The following TPRA1 variants were observed in gnomAD, a reference collection of about 807,000 sequenced individuals.
TPRA1 encodes transmembrane protein adipocyte-associated 1.
Under a neutral mutation model 40.1 loss-of-function variants are expected in TPRA1, and 28 were observed. The observed-to-expected ratio is 0.70, with a 90% CI of 0.52 to 0.96. TPRA1 has a LOEUF of 0.96. Ranked by LOEUF, TPRA1 falls within the 40% of genes least tolerant of loss-of-function variation. TPRA1 has a pLI of 0.00. For synonymous variants in TPRA1, 219 were observed against 209.7 expected (o/e 1.04, Z -0.38); for missense variants, 441 against 482.6 (o/e 0.91, Z 0.81).
At chr3:127,574,946 A>C (rs2073534561) in intron 10 of TPRA1, 1 of 572,996 alleles carries the variant, frequency 1.7e-6, no homozygotes, top group Non-Finnish European at 3.1e-6. Flanking sequence ...GCATGTGTGC[A>C]TGCTTGTGCA....
Position 127,575,200 on chromosome 3 carries a change from A to C in TPRA1, c.839T>G (p.Leu280Arg). The change falls in exon 10 of 11, where the codon CTC (leucine) becomes CGC (arginine). Residue 280 changes from leucine to arginine, a missense_variant. Physicochemically the swap from Leu to Arg is moderately radical, Grantham distance 102. Coordinates refer to ENST00000355552, the MANE Select transcript of TPRA1 (RefSeq NM_001136053.4). ...FFAPLIYVAFLRGFFGSEPKI... is the reference protein window; with the variant it reads ...FFAPLIYVAFRRGFFGSEPKI... ...ACAGACTCACCCGAAGAAGCCCCGG[A>C]GGAAAGCCACGTAGATGAGCGGAGC... 1 of 1,613,974 alleles carries C rather than the reference A, an allele frequency of 6.2e-7. No individual in the cohort carries two copies. Among genetic ancestry groups the C allele is most frequent in the Non-Finnish European group, 8.5e-7 (1 of 1,179,988 alleles).
Position 127,573,309 on chromosome 3 carries a change from G to A in TPRA1, c.*212C>T, listed in dbSNP as rs904958819. ...ATGTCACTGAGCAGTATGAGAGCAG[G>A]TGGGAAGGGGAGGAGGGTCCCCAGT... On this transcript the variant is annotated 3_prime_UTR_variant, in exon 11 of 11. Transcript: ENST00000355552. 2 of 590,244 alleles carry A rather than the reference G, an allele frequency of 3.4e-6. No homozygotes were observed. Among genetic ancestry groups the A allele is most frequent in the Non-Finnish European group, 5.8e-6 (2 of 345,102 alleles). The allele number at this position is 590,244 out of a possible 1,614,324, so 36.6% of individuals were successfully genotyped here. A position where few individuals can be genotyped will look rare whatever the true frequency, so the allele number is the denominator to read the frequency against.
chr3:127,593,362 A>G (rs2074209320), upstream of TPRA1, among the ~76,000 whole-genome samples: 1 of 152,200 alleles, frequency 6.6e-6, no homozygotes, highest in Non-Finnish European at 1.5e-5. Context: ...CAATCCCCAG[A>G]TAACAGACGC....
At chr3:127,593,399 G>T (rs1182575482), upstream of TPRA1, among the ~76,000 whole-genome samples, 1 of 152,184 alleles carries the variant, frequency 6.6e-6, no homozygotes, top group Non-Finnish European at 1.5e-5. Flanking sequence ...GGCGTGAGAA[G>T]CAAAGTGGGT....
At chr3:127,573,919 GCC>G in intron 10 of TPRA1, 131 bp from the exon 11 acceptor site, 11 of 1,234,566 alleles carry the variant, frequency 8.9e-6, no homozygotes, top group Non-Finnish European at 1.1e-5. Flanking sequence ...CTCTGAGTGG[GCC>G]TGTGAGCTGG....
At chr3:127,577,191 G>T in intron 3 of TPRA1, 115 bp from the exon 4 acceptor site, 1 of 1,080,746 alleles carries the variant, frequency 9.3e-7, no homozygotes, top group Non-Finnish European at 1.4e-6. Flanking sequence ...TCGGAAAGGA[G>T]GAAGGCGCAA....
At position 127,575,376 on chromosome 3, in the gene TPRA1, G is replaced by A. The variant is rs1300046554; in HGVS notation, c.773+27C>T. The A allele has an allele frequency of 2.5e-6, 4 of 1,572,780 alleles. No individual in the cohort carries two copies. In the East Asian group the frequency reaches 7.0e-5, roughly 28 times the overall value. On this transcript the variant is annotated intron_variant, in intron 9 of 10. Coordinates refer to ENST00000355552, the MANE Select transcript of TPRA1 (RefSeq NM_001136053.4). ...CCGCCCACTTCCCATGCCCCCACGA[G>A]GCAGACACCCTGCGGCCCCCACGCA...
At position 127,572,240 on chromosome 3, in the gene TPRA1, A is replaced by G. The variant is rs532305179; in HGVS notation, c.*1281T>C. On this transcript the variant is annotated 3_prime_UTR_variant, in exon 11 of 11. Coordinates refer to ENST00000355552, the MANE Select transcript of TPRA1 (RefSeq NM_001136053.4). ...CACCCCATTCCCCCCTAAAAAAAAA[A>G]GGCTGATCGCGGAGGCGGGCAACAG... 6.6e-6 allele frequency among the ~76,000 whole-genome samples: 1 copy of G among 152,236 alleles called. No homozygotes were observed. The highest frequency in any genetic ancestry group is 2.1e-4 in the South Asian group (1 of 4,828).
intron 8 of TPRA1, 65 bp from the exon 9 acceptor site, chr3:127,575,570 C>A (rs886857790): frequency 9.5e-6 from 14 of 1,471,288 alleles, no homozygotes; most frequent in Middle Eastern, 2.1e-4. Context: ...GCCTCCAGCA[C>A]CTACTACCCT....
At chr3:127,584,343 G>A (rs59049338) in intron 1 of TPRA1, among the ~76,000 whole-genome samples, 2 of 148,988 alleles carry the variant, frequency 1.3e-5, no homozygotes, top group Admixed American at 6.7e-5. Flanking sequence ...CGGTGGGGCC[G>A]AGGTGGAAGG....
intron 1 of TPRA1, among the ~76,000 whole-genome samples, chr3:127,597,635 C>G (rs2074258389): frequency 6.6e-6 from 1 of 152,192 alleles, no homozygotes; most frequent in Non-Finnish European, 1.5e-5. Flanking sequence ...CTCCCTGCGT[C>G]TTCGCTCCCC....
intron 1 of TPRA1, among the ~76,000 whole-genome samples, chr3:127,589,380 C>G (rs116589155): frequency 6.7e-6 from 1 of 149,904 alleles, no homozygotes; most frequent in Non-Finnish European, 1.5e-5. Flanking sequence ...CTTCCCACAC[C>G]GACGGGTTGT....
intron 10 of TPRA1, 173 bp downstream of exon 10, chr3:127,575,010 CTG>C (rs1449334403): frequency 1.5e-6 from 1 of 684,906 alleles, no homozygotes; most frequent in Non-Finnish European, 2.5e-6. Flanking sequence ...GTGCGTATAT[CTG>C]TGTGCATGTG....
intron 2 of TPRA1, 25 bp downstream of exon 2, chr3:127,579,997 C>T (rs372291181): frequency 6.2e-7 from 1 of 1,612,718 alleles, no homozygotes; most frequent in Non-Finnish European, 8.5e-7. Context: ...CTCAGCGAGC[C>T]TGCCCAGCGT....
rs753079497 is a variant in TPRA1 at position 127,573,539 on chromosome 3, C to T, written c.1104G>A (p.Trp368Ter). ...GSINSTDSER[W>*]KAINA ...GCTGCCCTCAGGCATTGATGGCCTT[C>T]CAGCGCTCGCTGTCTGTGCTGTTGA... The change falls in exon 11 of 11, where the codon TGG becomes TGA. Residue 368 changes from tryptophan to a stop codon, truncating the protein, a stop_gained. Coordinates refer to ENST00000355552, the MANE Select transcript of TPRA1 (RefSeq NM_001136053.4). LOFTEE classifies it high-confidence loss of function. The T allele has an allele frequency of 6.2e-7, 1 of 1,612,328 alleles. No individual in the cohort carries two copies.
In TPRA1 at chr3:127,573,611, C is replaced by T. The variant is rs144408479; in HGVS notation, c.1032G>A (p.Val344=). ...SSTQFDSAGG[V]AYLDDIASMP... is the part of the protein sequence containing the mutation. ...TGGAAGCGATGTCATCCAGGTAGGC[C>T]ACCCCGCCGGCAGAGTCGAACTGCG... Residue 344 remains valine, a synonymous_variant, in exon 11 of 11, where the codon GTG becomes GTA. Transcript: ENST00000355552. The T allele has an allele frequency of 1.2e-6, 2 of 1,613,098 alleles. No individual in the cohort carries two copies. Among genetic ancestry groups the T allele is most frequent in the East Asian group, 2.2e-5 (1 of 44,870 alleles).
intron 1 of TPRA1, among the ~76,000 whole-genome samples, chr3:127,588,721 C>T (rs780887990): frequency 8.5e-5 from 13 of 152,170 alleles, no homozygotes; most frequent in Admixed American, 2.0e-4. Flanking sequence ...GCGCCTGGCC[C>T]GCACTGACTT....
At chr3:127,574,967 C>A (rs2073535799) in intron 10 of TPRA1, 2 of 595,812 alleles carry the variant, frequency 3.4e-6, no homozygotes, top group Non-Finnish European at 6.0e-6. Flanking sequence ...TCCGTGTGTG[C>A]ATGTGCACGT....
upstream of TPRA1, chr3:127,590,966 G>A (rs979028253): frequency 1.7e-4 from 26 of 152,302 alleles, no homozygotes; most frequent in African/African-American, 5.8e-4. Flanking sequence ...CACTCGGAAA[G>A]CGGGCGGAAT....
Sources: gnomAD v4.1 joint callset for allele counts (sites outside exome capture counted in the v4.1 genomes callset) on GRCh38, gnomAD v4.1.1 for gene constraint, MANE v1.5 for transcripts, NCBI Gene and HGNC (gene_info 2026-07-23, HGNC 2026-07-21) for gene names.